GALNT12: variants seen among roughly 807,000 people sequenced by gnomAD.
GALNT12 encodes polypeptide N-acetylgalactosaminyltransferase 12, also known as UDP-GalNAc:polypeptide N-acetylgalactosaminyltransferase 12.
In GALNT12, 45 loss-of-function variants were observed where a neutral mutation model predicts 55.5. The observed-to-expected ratio is 0.81, with a 90% CI of 0.64 to 1.04. GALNT12 has a LOEUF of 1.04. Among genes scored for constraint, GALNT12 ranks in the 50% least tolerant of loss-of-function variants. The pLI is 0.00. For missense variants in GALNT12, 709 were observed against 754.8 expected, an observed-to-expected ratio of 0.94 and a Z score of 0.71; for synonymous variants, 304 against 312.2, an observed-to-expected ratio of 0.97 and a Z score of 0.28.
At chr9:98,811,683 C>CTTT (rs34942139) in intron 1 of GALNT12, among the ~76,000 whole-genome samples, 12 of 132,022 alleles carry the variant, frequency 9.1e-5, no homozygotes, top group South Asian at 2.5e-4. Context: ...CGAAGTCGTT[C>CTTT]TTTTTTTTTT....
At chr9:98,809,049 C>T (rs1055326942) in intron 1 of GALNT12, among the ~76,000 whole-genome samples, 2 of 152,136 alleles carry the variant, frequency 1.3e-5, no homozygotes, top group African/African-American at 2.4e-5. Flanking sequence ...GAAATAGGTT[C>T]GGAAAGGATA....
chr9:98,839,946 G>A, intron 6 of GALNT12, 56 bp from the exon 7 acceptor site: 1 of 1,610,564 alleles, frequency 6.2e-7, no homozygotes, highest in Non-Finnish European at 8.5e-7. Context: ...GAACACAGGG[G>A]CTTTGAAAGG....
At chr9:98,834,769 T>TTCTTC (rs1349466140) in intron 4 of GALNT12, among the ~76,000 whole-genome samples, 1 of 152,234 alleles carries the variant, frequency 6.6e-6, no homozygotes, top group Non-Finnish European at 1.5e-5. Flanking sequence ...GGAGCCTGCC[T>TTCTTC]TCTTCTCGGA....
intron 8 of GALNT12, among the ~76,000 whole-genome samples, chr9:98,844,905 G>A (rs1041709236): frequency 6.6e-6 from 1 of 152,124 alleles, no homozygotes; most frequent in Non-Finnish European, 1.5e-5. Context: ...ATGGAGAGAA[G>A]TGTTGGTTCT....
intron 9 of GALNT12, among the ~76,000 whole-genome samples, chr9:98,846,568 A>T (rs552538039): frequency 6.6e-6 from 1 of 152,180 alleles, no homozygotes; most frequent in South Asian, 2.1e-4. Flanking sequence ...GCTTTAAAAT[A>T]GGTACAATAG....
At chr9:98,824,895 T>A (rs1489210355) in intron 2 of GALNT12, among the ~76,000 whole-genome samples, 1 of 152,108 alleles carries the variant, frequency 6.6e-6, no homozygotes, top group Non-Finnish European at 1.5e-5. Context: ...CCCCCCAGGG[T>A]CGTTTTAAAT....
At position 98,837,035 on chromosome 9, in the gene GALNT12, A is replaced by G; in HGVS notation, c.1099A>G (p.Lys367Glu). The change falls in exon 6 of 10, where the codon AAG (lysine) becomes GAG (glutamate). Residue 367 changes from lysine to glutamate, a missense_variant. Physicochemically the swap from Lys to Glu is moderately conservative, Grantham distance 56. Transcript: ENST00000375011. ...TTCCCATGTTGGCCATGTTTTCCCC[A>G]AGCAAGCTCCCTACTCCCGCAACAA... Reference protein sequence around the residue: ...PCSHVGHVFPKQAPYSRNKAL... With the variant: ...PCSHVGHVFPEQAPYSRNKAL... The G allele has an allele frequency of 4.3e-6, 7 of 1,614,142 alleles. No individual in the cohort carries two copies. The highest frequency in any genetic ancestry group is 5.9e-6 in the Non-Finnish European group (7 of 1,180,040).
rs1447125430 is a variant in GALNT12, at chr9:98,835,352, G to A, written c.1021G>A (p.Glu341Lys). Residue 341 changes from glutamate to lysine, a missense_variant, in exon 5 of 10, where the codon GAA becomes AAA. Coordinates refer to ENST00000375011, the MANE Select transcript of GALNT12 (RefSeq NM_024642.5). Reference protein sequence around the residue: ...GMEVWGGENLEFSFRIWQCGG... With the variant: ...GMEVWGGENLKFSFRIWQCGG... ...GGAAGTTTGGGGAGGAGAAAACCTC[G>A]AATTTTCCTTTAGGGTAAGTATTTC... 6.3e-6 allele frequency: 10 copies of A among 1,595,954 alleles called. No individual in the cohort carries two copies. Among genetic ancestry groups the A allele is most frequent in the South Asian group, 3.3e-5 (3 of 90,668 alleles).
intron 1 of GALNT12, among the ~76,000 whole-genome samples, chr9:98,820,427 C>T (rs960190652): frequency 1.3e-5 from 2 of 152,196 alleles, no homozygotes; most frequent in Non-Finnish European, 2.9e-5. Context: ...GACATAATCT[C>T]ATTCCTTTTT....
Position 98,831,887 on chromosome 9 carries a change from C to T in GALNT12, c.847C>T (p.Leu283=). The T allele has an allele frequency of 6.2e-7, 1 of 1,614,154 alleles. No individual in the cohort carries two copies. Among genetic ancestry groups the T allele is most frequent in the South Asian group, 1.1e-5 (1 of 91,078 alleles). The change falls in exon 4 of 10, where the codon CTG becomes TTG. Residue 283 remains leucine, a synonymous_variant. Transcript: ENST00000375011. ...EPQIGGFDWR[L]VFTWHTVPER... ...CCAGATCGGCGGTTTCGACTGGAGGCTGGTGTTCACGTGGCACACAGTTCC... is the reference window on the plus strand; with the variant it reads ...CCAGATCGGCGGTTTCGACTGGAGGTTGGTGTTCACGTGGCACACAGTTCC...
chr9:98,840,100 T>A lies in GALNT12; in HGVS notation c.1311T>A (p.His437Gln). 6.2e-7 allele frequency: 1 copy of A among 1,614,084 alleles called. No individual in the cohort carries two copies. The highest frequency in any genetic ancestry group is 8.5e-7 in the Non-Finnish European group (1 of 1,180,026). ...TGGAGACTGTGTATCCAGAACTGCA[T>A]GTGCCTGAGGACAGGCCTGGCTTCT... ...WFLETVYPELHVPEDRPGFFG... is the reference protein window; with the variant it reads ...WFLETVYPELQVPEDRPGFFG... Residue 437 changes from histidine to glutamine, a missense_variant, in exon 7 of 10, where the codon CAT (histidine) becomes CAA (glutamine). By Grantham distance (24) the His-to-Gln change is conservative. Around this residue, in one of 5 missense-constraint regions of GALNT12, gnomAD observed 262 missense variants for 310.7 expected, o/e 0.84. Transcript: ENST00000375011.
At chr9:98,809,864 C>T (rs79742816) in intron 1 of GALNT12, among the ~76,000 whole-genome samples, 4,704 of 152,240 alleles carry the variant, frequency 0.031, 116 homozygotes, top group South Asian at 0.044. Flanking sequence ...TCCATGGTGA[C>T]GCAGCTGCCC....
intron 2 of GALNT12, among the ~76,000 whole-genome samples, chr9:98,824,830 C>T (rs1424901616): frequency 1.3e-5 from 2 of 152,162 alleles, no homozygotes; most frequent in African/African-American, 4.8e-5. Context: ...AGGACAGAAC[C>T]TCATGTAGCA....
chr9:98,807,837 G>T lies in GALNT12; in HGVS notation c.139G>T (p.Ala47Ser). ...GGCGCAGCGTGGGGCCGGGGCCGGGGCTGCCGAGCCGGGACCCCCGCGCAC... is the reference window on the plus strand; with the variant it reads ...GGCGCAGCGTGGGGCCGGGGCCGGGTCTGCCGAGCCGGGACCCCCGCGCAC... ...LRAQRGAGAG[A>S]AEPGPPRTPR... The change falls in exon 1 of 10, where the codon GCT becomes TCT. Residue 47 changes from alanine to serine, a missense_variant. Transcript: ENST00000375011. 2 of 1,015,748 alleles carry T rather than the reference G, an allele frequency of 2.0e-6. No homozygotes were observed. The highest frequency in any genetic ancestry group is 2.3e-6 in the Non-Finnish European group (2 of 852,168). 62.9% of individuals were successfully genotyped at this position (1,015,748 alleles called of 1,614,324 possible). A position where few individuals can be genotyped will look rare whatever the true frequency, so the allele number is the denominator to read the frequency against.
chr9:98,835,427 G>C, intron 5 of GALNT12, 61 bp downstream of exon 5: 1 of 1,065,038 alleles, frequency 9.4e-7, no homozygotes. Flanking sequence ...TGGGAACGAT[G>C]GGATTTGCTG....
intron 5 of GALNT12, 108 bp downstream of exon 5, chr9:98,835,474 A>G: frequency 2.5e-6 from 2 of 795,374 alleles, no homozygotes; most frequent in Non-Finnish European, 4.6e-6. Context: ...GATGACACGC[A>G]TATCCTATAA....
chr9:98,819,551 C>T (rs796209442), intron 1 of GALNT12, among the ~76,000 whole-genome samples: 1 of 152,296 alleles, frequency 6.6e-6, no homozygotes, highest in African/African-American at 2.4e-5. Flanking sequence ...CTCAGATAAG[C>T]CTGTTCACAG....
chr9:98,813,501 A>T (rs201102555), intron 1 of GALNT12, among the ~76,000 whole-genome samples: 44,113 of 148,428 alleles, frequency 0.3, 7,156 homozygotes, highest in East Asian at 0.38. Context: ...CATTTAAAAA[A>T]TTTTTTTTTT....
In GALNT12 at chr9:98,816,484, A is replaced by G. The variant is rs577347764; in HGVS notation, c.372-6772A>G. Among the ~76,000 whole-genome samples, 9 of 152,152 alleles carry G rather than the reference A, an allele frequency of 5.9e-5. No homozygotes were observed. The South Asian group carries it at 1.2e-3, about 21-fold the overall frequency. ...TTCAGACTAAAGGATTGTTCTCTACATTGAATGCACCTCACTTTGAAAACC... is the reference window on the plus strand; with the variant it reads ...TTCAGACTAAAGGATTGTTCTCTACGTTGAATGCACCTCACTTTGAAAACC... On this transcript the variant is annotated intron_variant, in intron 1 of 9. Transcript: ENST00000375011.
Sources: allele counts gnomAD v4.1 joint callset (sites outside exome capture counted in the v4.1 genomes callset), GRCh38; gene constraint gnomAD v4.1.1; regional missense constraint gnomAD v4.1.1; transcripts MANE v1.5; gene names NCBI Gene and HGNC (gene_info 2026-07-23, HGNC 2026-07-21).